Variants in RNF32 observed in about 807,000 individuals in gnomAD.
RNF32 encodes the protein ring finger protein 32.
RNF32 carries 36 observed loss-of-function variants against 41.0 expected under a neutral mutation model. That is an observed-to-expected ratio of 0.88 (90% confidence interval 0.67 to 1.16). The LOEUF (loss-of-function observed/expected upper bound fraction) is 1.16. RNF32 is among the 50% of genes most tolerant of loss of function. RNF32 has a pLI of 0.00. For synonymous variants in RNF32, 154 were observed against 160.9 expected (o/e 0.96, Z 0.32); for missense variants, 413 against 436.7 (o/e 0.95, Z 0.48).
At chr7:156,665,999 C>T (rs1801289734) in intron 7 of RNF32, among the ~76,000 whole-genome samples, 1 of 152,144 alleles carries the variant, frequency 6.6e-6, no homozygotes, top group South Asian at 2.1e-4. Flanking sequence ...TTCTTTCTTT[C>T]TTGGCTGGCA....
upstream of RNF32, chr7:156,640,273 G>C (rs1325252809): frequency 2.2e-6 from 1 of 448,038 alleles, no homozygotes; most frequent in African/African-American, 2.0e-5. Context: ...CGGTGCGCTC[G>C]AGACCCTGGA....
At chr7:156,640,311 A>C (rs1342589000), upstream of RNF32, 16 of 450,800 alleles carry the variant, frequency 3.5e-5, no homozygotes, top group Non-Finnish European at 6.2e-5. Context: ...CACCGCAGGG[A>C]AACAACCGGG....
At chr7:156,673,517 A>C (rs1803069453) in intron 7 of RNF32, among the ~76,000 whole-genome samples, 1 of 152,214 alleles carries the variant, frequency 6.6e-6, no homozygotes, top group Non-Finnish European at 1.5e-5. Context: ...TGGCAATTAT[A>C]ATTACATTCA....
chr7:156,655,793 A>C (rs952133085), intron 4 of RNF32, among the ~76,000 whole-genome samples: 2 of 152,186 alleles, frequency 1.3e-5, no homozygotes, highest in Admixed American at 1.3e-4. Flanking sequence ...TAATTTAGTA[A>C]TTTAATGTAG....
chr7:156,642,570 G>C (rs935444349), intron 1 of RNF32, among the ~76,000 whole-genome samples: 1 of 152,206 alleles, frequency 6.6e-6, no homozygotes, highest in Non-Finnish European at 1.5e-5. Flanking sequence ...TGCTTTACGA[G>C]TTTTTATTTG....
At chr7:156,656,376 G>A (rs920394413) in intron 4 of RNF32, among the ~76,000 whole-genome samples, 2 of 152,190 alleles carry the variant, frequency 1.3e-5, no homozygotes, top group Non-Finnish European at 2.9e-5. Context: ...GACGTCTAAT[G>A]TTGCTCCATA....
chr7:156,660,380 T>C (rs1800450653), intron 7 of RNF32: 2 of 787,336 alleles, frequency 2.5e-6, no homozygotes, highest in Non-Finnish European at 3.1e-6. Flanking sequence ...GGTTTTTCCT[T>C]TGGGGCTTTT....
chr7:156,659,312 T>G, intron 7 of RNF32: 1 of 993,326 alleles, frequency 1.0e-6, no homozygotes. Flanking sequence ...CACTATTAAC[T>G]CCTTTCCTAG....
chr7:156,651,414 A>T (rs1269151601), intron 3 of RNF32, among the ~76,000 whole-genome samples: 2 of 151,898 alleles, frequency 1.3e-5, no homozygotes, highest in Non-Finnish European at 2.9e-5. Flanking sequence ...GGGTTTCACC[A>T]TGTTGGCCAG....
At chr7:156,668,676 C>CGCTTTT (rs1801776982) in intron 7 of RNF32, among the ~76,000 whole-genome samples, 1 of 152,240 alleles carries the variant, frequency 6.6e-6, no homozygotes, top group Admixed American at 6.5e-5. Context: ...CACAGCAGCA[C>CGCTTTT]GCTTTCCATC....
chr7:156,673,828 C>T (rs187496430), intron 7 of RNF32, among the ~76,000 whole-genome samples: 180 of 152,010 alleles, frequency 1.2e-3, no homozygotes, highest in Non-Finnish European at 2.1e-3. Context: ...TGGAAGAGAA[C>T]TCCATGTCCT....
intron 7 of RNF32, among the ~76,000 whole-genome samples, chr7:156,666,120 A>T (rs1801304742): frequency 6.6e-6 from 1 of 152,160 alleles, no homozygotes; most frequent in African/African-American, 2.4e-5. Flanking sequence ...AAGGAGGGAT[A>T]ATAGTTTGAT....
chr7:156,640,308 G>A (rs374098792), upstream of RNF32: 13 of 450,792 alleles, frequency 2.9e-5, no homozygotes, highest in Admixed American at 1.7e-4. Flanking sequence ...AGCCACCGCA[G>A]GGAAACAACC....
chr7:156,640,577 C>T (rs756122472), upstream of RNF32: 26 of 403,202 alleles, frequency 6.4e-5, 1 homozygote, highest in South Asian at 4.2e-4. Flanking sequence ...CGGGGGCCGG[C>T]GAGCATGCGC....
chr7:156,651,580 T>C (rs1798748312), intron 3 of RNF32, among the ~76,000 whole-genome samples: 1 of 152,224 alleles, frequency 6.6e-6, no homozygotes, highest in South Asian at 2.1e-4. Context: ...TCTGGATATC[T>C]CTTCTTACTG....
intron 8 of RNF32, 81 bp from the exon 9 acceptor site, chr7:156,676,338 A>G (rs1467663372): frequency 1.2e-6 from 2 of 1,613,222 alleles, no homozygotes; most frequent in Non-Finnish European, 8.5e-7. Flanking sequence ...CTCGGGGCAC[A>G]TGGTTCGCAT....
chr7:156,643,747 C>G (rs1797660726), intron 1 of RNF32, 54 bp from the exon 2 acceptor site: 4 of 820,454 alleles, frequency 4.9e-6, no homozygotes, highest in East Asian at 2.4e-5. Context: ...TCACAAACTT[C>G]ATGGTTTTTC....
At chr7:156,640,707 G>C (rs1232456680), upstream of RNF32, 2 of 282,250 alleles carry the variant, frequency 7.1e-6, no homozygotes, top group Admixed American at 5.6e-5. Context: ...CGCGGGGAGC[G>C]AGCGCGGAGG....
At chr7:156,642,972 C>T (rs911505642) in intron 1 of RNF32, 2 of 152,316 alleles carry the variant, frequency 1.3e-5, no homozygotes, top group Middle Eastern at 3.4e-3. Context: ...TTCTCCTCAT[C>T]ACAGTATATT....
Sources: gnomAD v4.1 joint callset for allele counts (sites outside exome capture counted in the v4.1 genomes callset) on GRCh38, gnomAD v4.1.1 for gene constraint, MANE v1.5 for transcripts, NCBI Gene and HGNC (gene_info 2026-07-23, HGNC 2026-07-21) for gene names.